Variants in SLC30A2 observed in about 807,000 individuals in gnomAD.
SLC30A2 encodes proton-coupled zinc antiporter SLC30A2.
A neutral mutation model predicts 39.6 loss-of-function variants in SLC30A2; 19 were observed. That is an observed-to-expected ratio of 0.48 (90% CI 0.34 to 0.70). The LOEUF is 0.70. Ranked by LOEUF, SLC30A2 falls within the 30% of genes least tolerant of loss-of-function variation. The pLI, the probability that SLC30A2 is intolerant of heterozygous loss-of-function variation, is 0.01. For synonymous variants in SLC30A2, 195 were observed against 194.8 expected (o/e 1.00, Z -0.01); for missense variants, 387 against 479.4 (o/e 0.81, Z 1.80).
At position 26,042,539 on chromosome 1, in the gene SLC30A2, C is replaced by G; in HGVS notation, c.732+10G>C. On this transcript the variant is annotated intron_variant, in intron 5 of 7. Coordinates refer to ENST00000374276, the MANE Select transcript of SLC30A2 (RefSeq NM_001004434.3). ...CTGCCACCCCCACCACCCTGTGTCCCAGCTCTGACCTTGAAGTATAAAATA... is the reference window on the plus strand; with the variant it reads ...CTGCCACCCCCACCACCCTGTGTCCGAGCTCTGACCTTGAAGTATAAAATA... 6.2e-7 allele frequency: 1 copy of G among 1,611,110 alleles called. No homozygotes were observed. The highest frequency in any genetic ancestry group is 8.5e-7 in the Non-Finnish European group (1 of 1,177,524).
chr1:26,045,591 G>T, intron 1 of SLC30A2: 1 of 657,534 alleles, frequency 1.5e-6, no homozygotes. Context: ...TGGGCGGGGC[G>T]GGACTCCAGG....
In SLC30A2 at chr1:26,039,729, C is replaced by G. The variant is rs200773356; in HGVS notation, c.973+48G>C. 1.2e-4 allele frequency: 193 copies of G among 1,592,214 alleles called. No homozygotes were observed. The highest frequency in any genetic ancestry group is 1.5e-4 in the Non-Finnish European group (175 of 1,166,348). Reference sequence around the variant, plus strand: ...GGACCCGTTGGGGATGGCACTAGGCCTTTGGCTGCCTGTCTCCCACCCCAC... The same window carrying G: ...GGACCCGTTGGGGATGGCACTAGGCGTTTGGCTGCCTGTCTCCCACCCCAC... On this transcript the variant is annotated intron_variant, in intron 7 of 7. Transcript: ENST00000374276. The surrounding 1 kb of genome is among the most constrained non-coding windows in gnomAD (Gnocchi z 4.3).
At chr1:26,045,507 G>A in intron 1 of SLC30A2, 1 of 590,368 alleles carries the variant, frequency 1.7e-6, no homozygotes. Context: ...CAGGCTCTGG[G>A]AGAACAGCAG....
intron 6 of SLC30A2, among the ~76,000 whole-genome samples, chr1:26,041,412 C>G (rs897968885): frequency 6.6e-6 from 1 of 152,180 alleles, no homozygotes; most frequent in Non-Finnish European, 1.5e-5. Flanking sequence ...CCAGATGCTA[C>G]AGATGTCCCC....
intron 2 of SLC30A2, 40 bp downstream of exon 2, chr1:26,044,957 C>T (rs758070936): frequency 4.3e-5 from 66 of 1,530,600 alleles, no homozygotes; most frequent in Non-Finnish European, 5.8e-5. Context: ...TCCAGTCTAT[C>T]CATGCACCAA....
intron 3 of SLC30A2, 92 bp downstream of exon 3, chr1:26,044,206 A>AG (rs1210935256): frequency 7.5e-7 from 1 of 1,330,990 alleles, no homozygotes; most frequent in Non-Finnish European, 1.1e-6. Flanking sequence ...CAGGGGAGGA[A>AG]GGGGGGATCC....
In SLC30A2 at chr1:26,044,318, T is replaced by A; in HGVS notation, c.398A>T (p.Asn133Ile). 1 of 1,614,012 alleles carries A rather than the reference T, an allele frequency of 6.2e-7. No individual in the cohort carries two copies. The highest frequency in any genetic ancestry group is 8.5e-7 in the Non-Finnish European group (1 of 1,179,990). The part of the protein sequence containing the change: ...MSSRPATKTM[N>I]FGWQRAEILG... ...CTCACCAGCTCTCTGCCAGCCAAAGTTCATGGTCTTGGTGGCTGGCCGGGA... is the reference window on the plus strand; with the variant it reads ...CTCACCAGCTCTCTGCCAGCCAAAGATCATGGTCTTGGTGGCTGGCCGGGA... The change falls in exon 3 of 8, where the codon AAC becomes ATC. Residue 133 changes from asparagine to isoleucine, a missense_variant. Asn to Ile is a moderately radical substitution (Grantham distance 149). Coordinates refer to ENST00000374276, the MANE Select transcript of SLC30A2 (RefSeq NM_001004434.3).
Position 26,039,886 on chromosome 1 carries a change from T to G in SLC30A2, c.864A>C (p.Thr288=), listed in dbSNP as rs1569694468. 2.5e-6 allele frequency: 4 copies of G among 1,613,898 alleles called. No individual in the cohort carries two copies. Among genetic ancestry groups the G allele is most frequent in the South Asian group, 1.1e-5 (1 of 91,046 alleles). Residue 288 remains threonine (T), a synonymous_variant, in exon 7 of 8, where the codon ACA becomes ACC. Coordinates refer to ENST00000374276, the MANE Select transcript of SLC30A2 (RefSeq NM_001004434.3). This position sits in a 1 kb window ranked among gnomAD's most constrained non-coding sequence, Gnocchi z 4.3. ...MEGTPKGVDF[T]AVRDLLLSVE... ...CCGACAGCAGCAGATCACGAACAGC[T>G]GTGAAGTCAACGCCCTTGGGGGTCC...
At chr1:26,044,776 T>G (rs1050976803) in intron 2 of SLC30A2, among the ~76,000 whole-genome samples, 2 of 152,238 alleles carry the variant, frequency 1.3e-5, no homozygotes, top group African/African-American at 4.8e-5. Flanking sequence ...TTTGGCAAGT[T>G]ACTTCACCTG....
At position 26,042,670 on chromosome 1, in the gene SLC30A2, C is replaced by T. The variant is rs1176649861; in HGVS notation, c.611G>A (p.Ser204Asn). ...LTLHQSGHGHSHGTTNQQEEN... is the reference protein window; with the variant it reads ...LTLHQSGHGHNHGTTNQQEEN... ...CTCCTGCTGGTTGGTGGTGCCGTGG[C>T]TGTGCCCATGGCCAGACTGGTGAAG... Residue 204 changes from serine (S) to asparagine (N), a missense_variant, in exon 5 of 8, where the codon AGC (serine) becomes AAC (asparagine). Coordinates refer to ENST00000374276, the MANE Select transcript of SLC30A2 (RefSeq NM_001004434.3). 5 of 1,614,166 alleles carry T rather than the reference C, an allele frequency of 3.1e-6. No individual in the cohort carries two copies. In the East Asian group the frequency reaches 8.9e-5, roughly 29 times the overall value.
In SLC30A2 at chr1:26,037,624, TGG is replaced by T. The variant is rs1002803298; in HGVS notation, c.*1534_*1535del. On this transcript the variant is annotated 3_prime_UTR_variant, in exon 8 of 8. Coordinates refer to ENST00000374276, the MANE Select transcript of SLC30A2 (RefSeq NM_001004434.3). ...GGGCCTGCCATGGCTTGGGTGGGGG[TGG>T]GGAGTTGGGTAGGGGAGGTTGAGTC... The T allele has an allele frequency of 3.6e-5, 5 of 140,192 alleles. No individual in the cohort carries two copies. The highest frequency in any genetic ancestry group is 1.3e-4 in the African/African-American group (5 of 37,482). The allele number at this position is 140,192 out of a possible 1,614,324, so 8.7% of individuals were successfully genotyped here. A position where few individuals can be genotyped will look rare whatever the true frequency, so the allele number is the denominator to read the frequency against.
rs369755786 is a variant in SLC30A2, at chr1:26,042,589, C to G, written c.692G>C (p.Ser231Thr). The G allele has an allele frequency of 1.9e-6, 3 of 1,614,054 alleles. No homozygotes were observed. The African/African-American group carries it at 4.0e-5, about 22-fold the overall frequency. The change falls in exon 5 of 8, where the codon AGC becomes ACC. Residue 231 changes from serine to threonine, a missense_variant. Transcript: ENST00000374276. ...FIHVIGDFMQ[S>T]MGVLVAAYIL... Reference sequence around the variant, plus strand: ...ATAGGCTGCCACTAGGACACCCATGCTCTGCATAAAGTCGCCGATCACATG... The same window carrying G: ...ATAGGCTGCCACTAGGACACCCATGGTCTGCATAAAGTCGCCGATCACATG...
Position 26,038,993 on chromosome 1 carries a change from G to A in SLC30A2, c.*167C>T. ...TGAGTCCCCACCCTGGCTGTAGTCA[G>A]ATGGGAGGCTGGGAAGAGCTCCATT... is the stretch of plus-strand genomic sequence containing the variant. On this transcript the variant is annotated 3_prime_UTR_variant, in exon 8 of 8. Coordinates refer to ENST00000374276, the MANE Select transcript of SLC30A2 (RefSeq NM_001004434.3). 7.1e-7 allele frequency: 1 copy of A among 1,403,942 alleles called. No homozygotes were observed. Among genetic ancestry groups the A allele is most frequent in the Non-Finnish European group, 9.3e-7 (1 of 1,077,118 alleles). 87.0% of individuals were successfully genotyped at this position (1,403,942 alleles called of 1,614,324 possible).
chr1:26,043,610 T>C, intron 3 of SLC30A2, 59 bp from the exon 4 acceptor site: 1 of 1,541,010 alleles, frequency 6.5e-7, no homozygotes. Context: ...TAAGGAGTCT[T>C]CCCCCTTCCT....
chr1:26,039,070 G>A lies in SLC30A2; in HGVS notation c.*90C>T. On this transcript the variant is annotated 3_prime_UTR_variant, in exon 8 of 8. Coordinates refer to ENST00000374276, the MANE Select transcript of SLC30A2 (RefSeq NM_001004434.3). This position sits in a 1 kb window ranked among gnomAD's most constrained non-coding sequence, Gnocchi z 4.3. ...GGGACCTGGTTTACAACACAGCTGG[G>A]GTAGGCAAAGTCCTGGCTGGGCCTG... The A allele has an allele frequency of 6.5e-7, 1 of 1,548,016 alleles. No homozygotes were observed. Among genetic ancestry groups the A allele is most frequent in the Non-Finnish European group, 8.8e-7 (1 of 1,141,386 alleles).
At position 26,039,330 on chromosome 1, in the gene SLC30A2, G is replaced by A. The variant is rs187450237; in HGVS notation, c.974-25C>T. ...GCTGGGGGCCGAGAGGACACAGCGG[G>A]GGAAGCCATTTACTCTGGCCCTTTG... On this transcript the variant is annotated intron_variant, in intron 7 of 7. Transcript: ENST00000374276. The surrounding 1 kb of genome is among the most constrained non-coding windows in gnomAD (Gnocchi z 4.3). The A allele has an allele frequency of 2.5e-5, 39 of 1,589,784 alleles. No individual in the cohort carries two copies. In the African/African-American group the frequency reaches 3.4e-4, roughly 14 times the overall value.
rs758261486 is a variant in SLC30A2, at chr1:26,041,802, C to T, written c.736G>A (p.Glu246Lys). ...CAGATGGGGTCTACATACTTGTATT[C>T]TGGCTGCAGGAAGACAGGAAGGCAG... ...VAAYILYFKP[E>K]YKYVDPICTF... The change falls in exon 6 of 8, where the codon GAA (glutamate) becomes AAA (lysine). Residue 246 changes from glutamate (E) to lysine (K), a missense_variant. Transcript: ENST00000374276. 6.2e-7 allele frequency: 1 copy of T among 1,603,602 alleles called. No individual in the cohort carries two copies. Among genetic ancestry groups the T allele is most frequent in the Non-Finnish European group, 8.5e-7 (1 of 1,170,626 alleles).
chr1:26,041,585 C>T (rs528493719), intron 6 of SLC30A2, 115 bp downstream of exon 6: 11 of 673,462 alleles, frequency 1.6e-5, no homozygotes, highest in Middle Eastern at 5.0e-4. Context: ...GCCGGGGCTC[C>T]GGATCCTGGC....
rs1230106764 is a variant in SLC30A2 at position 26,038,889 on chromosome 1, G to T, written c.*271C>A. The stretch of plus-strand genomic sequence containing the variant: ...CCCTGCGAGTGGTAGAACATTTGCT[G>T]AGGATTAGGCCCAAATACAGCCCTT... On this transcript the variant is annotated 3_prime_UTR_variant, in exon 8 of 8. Coordinates refer to ENST00000374276, the MANE Select transcript of SLC30A2 (RefSeq NM_001004434.3). 11 of 815,492 alleles carry T rather than the reference G, an allele frequency of 1.3e-5. No homozygotes were observed. The highest frequency in any genetic ancestry group is 1.8e-5 in the Non-Finnish European group (11 of 623,358). 50.5% of individuals were successfully genotyped at this position (815,492 alleles called of 1,614,324 possible). A position where few individuals can be genotyped will look rare whatever the true frequency, so the allele number is the denominator to read the frequency against.
Sources: gnomAD v4.1 joint callset for allele counts (sites outside exome capture counted in the v4.1 genomes callset) on GRCh38, gnomAD v4.1.1 for gene constraint, Gnocchi (gnomAD v3.1) non-coding constraint, MANE v1.5 for transcripts, NCBI Gene and HGNC (gene_info 2026-07-23, HGNC 2026-07-21) for gene names.